The following PCDHA1 variants were observed in gnomAD, a reference collection of about 807,000 sequenced individuals.
The protein encoded by PCDHA1 is protocadherin alpha-1.
PCDHA1 carries 42 observed loss-of-function variants against 61.3 expected under a neutral mutation model. That is an observed-to-expected ratio of 0.69 (90% CI 0.54 to 0.89). The LOEUF is 0.89. Ranked by LOEUF, PCDHA1 falls within the 40% of genes least tolerant of loss-of-function variation. PCDHA1 has a pLI of 0.00. For synonymous variants in PCDHA1, 610 were observed against 553.8 expected, an observed-to-expected ratio of 1.10 and a Z score of -1.43; for missense variants, 1,256 against 1,235.3, an observed-to-expected ratio of 1.02 and a Z score of -0.25.
At chr5:140,856,629 T>C (rs782588371) in intron 1 of PCDHA1, 2 of 1,598,078 alleles carry the variant, frequency 1.3e-6, no homozygotes, top group African/African-American at 2.7e-5. Flanking sequence ...CCAGTGCTTG[T>C]TCTGCGGAAG....
At chr5:140,912,689 C>T (rs879967123) in intron 1 of PCDHA1, among the ~76,000 whole-genome samples, 1 of 152,112 alleles carries the variant, frequency 6.6e-6, no homozygotes, top group Admixed American at 6.5e-5. Context: ...TTCCAGGTCT[C>T]AGGGGGAATG....
At chr5:140,907,239 C>T (rs1447900433) in intron 1 of PCDHA1, among the ~76,000 whole-genome samples, 1 of 152,200 alleles carries the variant, frequency 6.6e-6, no homozygotes, top group Non-Finnish European at 1.5e-5. Context: ...ACCTAGTTGA[C>T]ATTGTAATTG....
At chr5:140,895,092 G>A (rs2064837860) in intron 1 of PCDHA1, among the ~76,000 whole-genome samples, 1 of 152,090 alleles carries the variant, frequency 6.6e-6, no homozygotes, top group Admixed American at 6.5e-5. Flanking sequence ...CCTCAGTATA[G>A]GGGTTTTTGC....
intron 1 of PCDHA1, chr5:140,870,108 CTG>C (rs1455437240): frequency 6.2e-7 from 1 of 1,613,906 alleles, no homozygotes; most frequent in African/African-American, 1.3e-5. Flanking sequence ...ACTGTACAGT[CTG>C]GGTGGAAATC....
At chr5:140,884,603 T>A in intron 1 of PCDHA1, 4 of 1,614,132 alleles carry the variant, frequency 2.5e-6, no homozygotes, top group Non-Finnish European at 3.4e-6. Flanking sequence ...CCTTCCTCCT[T>A]GTCTGGGTTC....
intron 3 of PCDHA1, among the ~76,000 whole-genome samples, chr5:140,993,418 C>A (rs59434300): frequency 6.6e-5 from 10 of 151,302 alleles, no homozygotes; most frequent in Non-Finnish European, 1.5e-4. Context: ...ATCAGCATTT[C>A]TCTTTTAAAA....
chr5:140,855,030 G>A (rs1385138184), intron 1 of PCDHA1, among the ~76,000 whole-genome samples: 1 of 149,666 alleles, frequency 6.7e-6, no homozygotes, highest in African/African-American at 2.4e-5. Context: ...CTTGTATAAA[G>A]GATTTTTCTG....
At position 141,009,698 on chromosome 5, in the gene PCDHA1, G is replaced by A. The variant is rs900919931; in HGVS notation, c.2614G>A (p.Gly872Arg). The part of the protein sequence containing the change: ...VNSNSWTFKY[G>R]PGNPKQSGPG... Reference sequence around the variant, plus strand: ...CAGCAACAGCTGGACCTTTAAATACGGACCAGGCAACCCCAAACAATCCGG... The same window carrying A: ...CAGCAACAGCTGGACCTTTAAATACAGACCAGGCAACCCCAAACAATCCGG... The change falls in exon 4 of 4, where the codon GGA (glycine) becomes AGA (arginine). Residue 872 changes from glycine (G) to arginine (R), a missense_variant. Physicochemically the swap from Gly to Arg is moderately radical, Grantham distance 125. Transcript: ENST00000504120. The A allele has an allele frequency of 1.9e-6, 3 of 1,614,030 alleles. No homozygotes were observed. The highest frequency in any genetic ancestry group is 1.1e-5 in the South Asian group (1 of 91,066).
intron 1 of PCDHA1, chr5:140,871,297 G>A (rs781824958): frequency 5.6e-6 from 9 of 1,613,778 alleles, no homozygotes; most frequent in African/African-American, 5.3e-5. Context: ...GGGCGCGTGC[G>A]CGCCGGGGAA....
At chr5:140,877,323 C>A in intron 1 of PCDHA1, 1 of 1,613,988 alleles carries the variant, frequency 6.2e-7, no homozygotes, top group Non-Finnish European at 8.5e-7. Context: ...CGGCGGTCGG[C>A]GCGCACATCC....
chr5:140,794,833 T>C (rs914073509), intron 1 of PCDHA1: 2 of 1,011,376 alleles, frequency 2.0e-6, no homozygotes, highest in Non-Finnish European at 2.9e-6. Context: ...GGAAGGAAAA[T>C]ACCCAGAGCC....
intron 1 of PCDHA1, chr5:140,927,020 T>G: frequency 6.2e-7 from 1 of 1,612,524 alleles, no homozygotes; most frequent in Non-Finnish European, 8.5e-7. Flanking sequence ...TCCGCGGACT[T>G]GAGGCTGCCA....
At chr5:140,943,326 G>A (rs1407826029) in intron 1 of PCDHA1, among the ~76,000 whole-genome samples, 10 of 149,948 alleles carry the variant, frequency 6.7e-5, no homozygotes, top group African/African-American at 2.5e-4. Flanking sequence ...ATATTGTGTA[G>A]TATCCATTGG....
rs1464673358 is a variant in PCDHA1 at position 140,894,228 on chromosome 5, A to T, written c.2395-84721A>T. 2.6e-5 allele frequency among the ~76,000 whole-genome samples: 4 copies of T among 152,088 alleles called. No homozygotes were observed. In the South Asian group the frequency reaches 8.3e-4, roughly 31 times the overall value. ...TTATATTCTCATTTTAAAGATGTTG[A>T]ATGACAATGTAATTTTCTTTTCTTT... is the stretch of plus-strand genomic sequence containing the variant. On this transcript the variant is annotated intron_variant, in intron 1 of 3. Transcript: ENST00000504120.
In PCDHA1 at chr5:140,788,216, G is replaced by T. The variant is rs1228287347; in HGVS notation, c.1926G>T (p.Leu642Phe). 17 of 1,614,046 alleles carry T rather than the reference G, an allele frequency of 1.1e-5. No individual in the cohort carries two copies. The highest frequency in any genetic ancestry group is 1.4e-5 in the Non-Finnish European group (17 of 1,179,936). ...STTRVLDEAD[L>F]SRYRLLVLVK... ...CTCGTGTCCTGGACGAGGCTGACTT[G>T]TCGCGCTACCGCCTTCTGGTGCTAG... Residue 642 changes from leucine (L) to phenylalanine (F), a missense_variant, in exon 1 of 4, where the codon TTG (leucine) becomes TTT (phenylalanine). Leu to Phe is a conservative substitution (Grantham distance 22). Coordinates refer to ENST00000504120, the MANE Select transcript of PCDHA1 (RefSeq NM_018900.4).
intron 1 of PCDHA1, chr5:140,871,324 T>G (rs1554165430): frequency 3.1e-6 from 5 of 1,614,048 alleles, no homozygotes; most frequent in Non-Finnish European, 4.2e-6. Flanking sequence ...GCTGGTGTGC[T>G]CCCGCGCGGT....
At chr5:140,954,968 G>T (rs531304394) in intron 1 of PCDHA1, among the ~76,000 whole-genome samples, 4 of 152,200 alleles carry the variant, frequency 2.6e-5, no homozygotes, top group African/African-American at 9.6e-5. Context: ...TAAGGAAAGG[G>T]TCCAGTTTCA....
chr5:140,803,380 C>T, intron 1 of PCDHA1: 2 of 1,614,224 alleles, frequency 1.2e-6, no homozygotes, highest in African/African-American at 1.3e-5. Context: ...GCGCCGCCAA[C>T]CGAAGGCGAC....
chr5:140,912,227 C>T (rs1422799663), intron 1 of PCDHA1, among the ~76,000 whole-genome samples: 1 of 151,784 alleles, frequency 6.6e-6, no homozygotes, highest in Non-Finnish European at 1.5e-5. Flanking sequence ...TTTCCCAGTC[C>T]ACTGACTCAA....
Sources: gnomAD v4.1 joint callset for allele counts (sites outside exome capture counted in the v4.1 genomes callset) on GRCh38, gnomAD v4.1.1 for gene constraint, MANE v1.5 for transcripts, NCBI Gene and HGNC (gene_info 2026-07-23, HGNC 2026-07-21) for gene names.